LRRC37A2: variants seen among roughly 807,000 people sequenced by gnomAD.
LRRC37A2 encodes leucine rich repeat containing 37 member A2.
LRRC37A2 carries 9 observed loss-of-function variants against 68.8 expected under a neutral mutation model. The observed-to-expected ratio is 0.13, with a 90% CI of 0.08 to 0.23. The LOEUF (loss-of-function observed/expected upper bound fraction) is 0.23, where lower values mean the gene tolerates loss of function less well. Among genes scored for constraint, LRRC37A2 ranks in the 10% least tolerant of loss-of-function variants. LRRC37A2 has a pLI of 1.00. For missense variants in LRRC37A2, 168 were observed against 950.4 expected, an observed-to-expected ratio of 0.18 and a Z score of 10.82; for synonymous variants, 63 against 367.6, an observed-to-expected ratio of 0.17 and a Z score of 9.48.
the LRRC37A2 span, chr17:46,930,842 C>T: frequency 2.4e-6 from 1 of 414,270 alleles, no homozygotes; most frequent in Non-Finnish European, 4.3e-6. Context: ...AAATTTATTT[C>T]TACAGATTTA....
the LRRC37A2 span, among the ~76,000 whole-genome samples, chr17:46,499,271 C>T: frequency 1.7e-5 from 2 of 119,330 alleles, no homozygotes; most frequent in Non-Finnish European, 1.6e-5. Flanking sequence ...AAGATTGCAC[C>T]ACTGCACTCC....
At chr17:47,017,147 C>A in the LRRC37A2 span, 1 of 1,605,092 alleles carries the variant, frequency 6.2e-7, no homozygotes. Context: ...AAAGACAGGG[C>A]GGGACTCACG....
At chr17:46,984,689 G>A in the LRRC37A2 span, among the ~76,000 whole-genome samples, 8 of 152,280 alleles carry the variant, frequency 5.3e-5, no homozygotes, top group East Asian at 1.5e-3. Flanking sequence ...CAGATCTCAA[G>A]GTTAATAAAA....
chr17:46,873,563 A>G, the LRRC37A2 span, among the ~76,000 whole-genome samples: 1 of 152,188 alleles, frequency 6.6e-6, no homozygotes, highest in Non-Finnish European at 1.5e-5. Flanking sequence ...GTTGCCATTT[A>G]AATGGAACTT....
rs2054032892 is a variant in LRRC37A2 at position 46,533,476 on chromosome 17, C to T, written c.2907-6700C>T. Reference sequence around the variant, plus strand: ...TCATCAACTAGATTTATAATTATTGCATTATGTAAGTATCTTTTTCTTTTT... The same window carrying T: ...TCATCAACTAGATTTATAATTATTGTATTATGTAAGTATCTTTTTCTTTTT... On this transcript the variant is annotated intron_variant, in intron 6 of 14. Transcript: ENST00000576629. 4.2e-5 allele frequency among the ~76,000 whole-genome samples: 6 copies of T among 144,490 alleles called. No individual in the cohort carries two copies. In the East Asian group the frequency reaches 9.9e-4, roughly 24 times the overall value. The allele number at this position is 144,490 out of a possible 152,430, so 94.8% of individuals were successfully genotyped here. A position where few individuals can be genotyped will look rare whatever the true frequency, so the allele number is the denominator to read the frequency against.
the LRRC37A2 span, chr17:46,818,633 C>T: frequency 6.4e-7 from 1 of 1,556,842 alleles, no homozygotes; most frequent in Admixed American, 1.9e-5. Context: ...TGCCCGCGAC[C>T]ATGAAGAGGG....
the LRRC37A2 span, chr17:46,938,593 C>T: frequency 1.2e-6 from 2 of 1,612,512 alleles, no homozygotes; most frequent in Non-Finnish European, 8.5e-7. Flanking sequence ...TTCTCTTCTG[C>T]CCCAGGGGAC....
intron 11 of LRRC37A2, among the ~76,000 whole-genome samples, chr17:46,551,173 C>CAA (rs2056770722): frequency 6.7e-6 from 1 of 149,308 alleles, no homozygotes; most frequent in South Asian, 2.1e-4. Flanking sequence ...CATTCCCCCT[C>CAA]AGATTAGAGA....
chr17:46,895,080 C>T, the LRRC37A2 span, among the ~76,000 whole-genome samples: 1,659 of 152,314 alleles, frequency 0.011, 40 homozygotes, highest in African/African-American at 0.038. Context: ...GGTGGTGGCC[C>T]CTGCCTGCAC....
intron 11 of LRRC37A2, 29 bp from the exon 11 acceptor site, chr17:46,553,371 A>T: frequency 6.2e-7 from 1 of 1,609,454 alleles, no homozygotes; most frequent in East Asian, 2.2e-5. Flanking sequence ...TGTCATAGAT[A>T]ATCTTAATTG....
At chr17:46,743,972 G>T in the LRRC37A2 span, among the ~76,000 whole-genome samples, 1 of 152,086 alleles carries the variant, frequency 6.6e-6, no homozygotes, top group Non-Finnish European at 1.5e-5. Context: ...GGATTTAGGC[G>T]CATTCAGGAC....
At chr17:46,821,371 G>A in the LRRC37A2 span, among the ~76,000 whole-genome samples, 1 of 152,208 alleles carries the variant, frequency 6.6e-6, no homozygotes, top group Non-Finnish European at 1.5e-5. Context: ...CTTCAACACA[G>A]GTTTAATTTC....
At chr17:46,740,423 A>C in the LRRC37A2 span, among the ~76,000 whole-genome samples, 1 of 152,172 alleles carries the variant, frequency 6.6e-6, no homozygotes, top group Non-Finnish European at 1.5e-5. Context: ...CAGAGGTAAA[A>C]ATTAAATTAG....
chr17:46,589,369 C>A, the LRRC37A2 span, among the ~76,000 whole-genome samples: 1 of 132,476 alleles, frequency 7.5e-6, no homozygotes, highest in Non-Finnish European at 1.5e-5. Context: ...TTTTTTTAGA[C>A]GGAGTCTCGC....
the LRRC37A2 span, chr17:46,768,248 G>A: frequency 1.2e-6 from 2 of 1,605,892 alleles, no homozygotes; most frequent in South Asian, 1.1e-5. This position sits in a 1 kb window ranked among gnomAD's most constrained non-coding sequence, Gnocchi z 5.0. Context: ...AAGACGAGAT[G>A]GGCAAACAAC....
the LRRC37A2 span, chr17:46,941,130 A>G: frequency 9.8e-7 from 1 of 1,018,736 alleles, no homozygotes; most frequent in Non-Finnish European, 1.2e-6. Flanking sequence ...ATCAAGAGGA[A>G]CTTGAGATCT....
At chr17:46,679,801 A>C in the LRRC37A2 span, among the ~76,000 whole-genome samples, 1 of 152,132 alleles carries the variant, frequency 6.6e-6, no homozygotes, top group East Asian at 1.9e-4. Context: ...GGAGCTGGGA[A>C]AGAAACAGTG....
At chr17:47,011,533 C>G in the LRRC37A2 span, among the ~76,000 whole-genome samples, 1 of 139,784 alleles carries the variant, frequency 7.2e-6, no homozygotes, top group Admixed American at 7.4e-5. Context: ...GCCTGGGTGA[C>G]AAAGCTAGAC....
At chr17:46,626,085 G>A in the LRRC37A2 span, among the ~76,000 whole-genome samples, 1 of 141,306 alleles carries the variant, frequency 7.1e-6, no homozygotes, top group African/African-American at 2.8e-5. Flanking sequence ...CATGAAAGCT[G>A]ATGTATTTTA....
Sources: allele counts gnomAD v4.1 joint callset (sites outside exome capture counted in the v4.1 genomes callset), GRCh38; gene constraint gnomAD v4.1.1; non-coding constraint Gnocchi (gnomAD v3.1); transcripts MANE v1.5; gene names NCBI Gene and HGNC (gene_info 2026-07-23, HGNC 2026-07-21).